The following CCDC148 variants were observed in gnomAD, a reference collection of about 807,000 sequenced individuals.
CCDC148 encodes coiled-coil domain containing 148.
A neutral mutation model predicts 85.7 loss-of-function variants in CCDC148; 89 were observed. That is an observed-to-expected ratio of 1.04 (90% CI 0.87 to 1.24). The LOEUF (loss-of-function observed/expected upper bound fraction) is 1.24, where lower values mean the gene tolerates loss of function less well. CCDC148 is among the 50% of genes most tolerant of loss of function. CCDC148 has a pLI of 0.00. For missense variants in CCDC148, 692 were observed against 671.7 expected (o/e 1.03, Z -0.33); for synonymous variants, 230 against 213.9 (o/e 1.08, Z -0.66).
At chr2:158,429,115 A>G (rs1448933810) in intron 1 of CCDC148, among the ~76,000 whole-genome samples, 1 of 150,602 alleles carries the variant, frequency 6.6e-6, no homozygotes, top group African/African-American at 2.4e-5. Context: ...GGTGGGGAAC[A>G]TCACACAGTG....
intron 9 of CCDC148, among the ~76,000 whole-genome samples, chr2:158,283,241 A>G (rs1033987972): frequency 6.6e-6 from 1 of 152,236 alleles, no homozygotes; most frequent in Non-Finnish European, 1.5e-5. Flanking sequence ...TGTCTAAAAC[A>G]TCAAAAGCAA....
chr2:158,216,857 T>C (rs1295727735), intron 11 of CCDC148, among the ~76,000 whole-genome samples: 2 of 152,152 alleles, frequency 1.3e-5, no homozygotes, highest in Non-Finnish European at 2.9e-5. Context: ...TTAACTGTGT[T>C]CCAGGCAGTG....
At chr2:158,448,038 T>C (rs756699839) in intron 1 of CCDC148, among the ~76,000 whole-genome samples, 2 of 152,176 alleles carry the variant, frequency 1.3e-5, no homozygotes, top group South Asian at 2.1e-4. Context: ...GTGATATATA[T>C]AAATTTTTTT....
intron 1 of CCDC148, among the ~76,000 whole-genome samples, chr2:158,400,079 A>T (rs1685708398): frequency 6.6e-6 from 1 of 152,210 alleles, no homozygotes; most frequent in African/African-American, 2.4e-5. Context: ...AAACGGAAGA[A>T]CATTCCATGT....
chr2:158,338,251 GA>G (rs1682489012), intron 7 of CCDC148, among the ~76,000 whole-genome samples: 1 of 152,084 alleles, frequency 6.6e-6, no homozygotes, highest in Non-Finnish European at 1.5e-5. Context: ...GAGAAAACCA[GA>G]AGTCTATTTC....
intron 12 of CCDC148, chr2:158,178,152 C>T (rs535922944): frequency 6.6e-6 from 1 of 152,144 alleles, no homozygotes; most frequent in East Asian, 1.9e-4. Flanking sequence ...GGAAGGACAC[C>T]AGAGGCCAAG....
chr2:158,415,186 G>A (rs1419928037), intron 1 of CCDC148, among the ~76,000 whole-genome samples: 4 of 151,716 alleles, frequency 2.6e-5, no homozygotes, highest in African/African-American at 9.7e-5. Flanking sequence ...GGCTGTACAG[G>A]AGGCATGGCT....
intron 1 of CCDC148, among the ~76,000 whole-genome samples, chr2:158,406,234 A>G (rs1439769346): frequency 6.6e-6 from 1 of 152,154 alleles, no homozygotes; most frequent in Non-Finnish European, 1.5e-5. Context: ...CCTTACACAT[A>G]CCCAAAGGCT....
At chr2:158,411,110 G>A (rs187145309) in intron 1 of CCDC148, among the ~76,000 whole-genome samples, 6 of 152,082 alleles carry the variant, frequency 3.9e-5, no homozygotes, top group East Asian at 1.9e-4. Context: ...TTCTGTTTGC[G>A]TTCAAAATTG....
At chr2:158,330,466 T>G (rs745540712) in intron 7 of CCDC148, among the ~76,000 whole-genome samples, 1 of 151,990 alleles carries the variant, frequency 6.6e-6, no homozygotes, top group Non-Finnish European at 1.5e-5. Context: ...GGTCTAAAAT[T>G]TTCTTTTTTT....
At position 158,313,065 on chromosome 2, in the gene CCDC148, T is replaced by G. The variant is rs369049580; in HGVS notation, c.903+691A>C. Among the ~76,000 whole-genome samples the G allele has an allele frequency of 5.9e-5, 9 of 152,346 alleles. No homozygotes were observed. In the South Asian group the frequency reaches 1.7e-3, roughly 28 times the overall value. On this transcript the variant is annotated intron_variant, in intron 8 of 13. Coordinates refer to ENST00000283233, the MANE Select transcript of CCDC148 (RefSeq NM_138803.4). Reference sequence around the variant, plus strand: ...GCATGGCTCACTTAAAAATTAAAAGTCTGTGTGTTTGTTTACGTGTATGTT... The same window carrying G: ...GCATGGCTCACTTAAAAATTAAAAGGCTGTGTGTTTGTTTACGTGTATGTT...
At chr2:158,266,801 C>T (rs1689473274) in intron 9 of CCDC148, among the ~76,000 whole-genome samples, 1 of 152,014 alleles carries the variant, frequency 6.6e-6, no homozygotes, top group South Asian at 2.1e-4. Context: ...GCCATTACTT[C>T]ATTCCTTTTT....
At chr2:158,397,241 A>G (rs1685561634) in intron 1 of CCDC148, among the ~76,000 whole-genome samples, 1 of 152,172 alleles carries the variant, frequency 6.6e-6, no homozygotes, top group South Asian at 2.1e-4. Flanking sequence ...AAGCTAGACA[A>G]GGCAGGCCAA....
intron 11 of CCDC148, among the ~76,000 whole-genome samples, chr2:158,216,139 T>G (rs957261279): frequency 1.3e-5 from 2 of 152,196 alleles, no homozygotes; most frequent in African/African-American, 4.8e-5. Flanking sequence ...CTTGATTTTA[T>G]ATAGGTACAT....
chr2:158,368,176 A>C (rs980036278), intron 1 of CCDC148, among the ~76,000 whole-genome samples: 2 of 152,196 alleles, frequency 1.3e-5, no homozygotes, highest in Non-Finnish European at 2.9e-5. Context: ...GAACATTCAT[A>C]CATTTATGTA....
At chr2:158,305,746 C>A (rs1291439973) in intron 9 of CCDC148, among the ~76,000 whole-genome samples, 2 of 122,230 alleles carry the variant, frequency 1.6e-5, no homozygotes, top group African/African-American at 3.1e-5. Context: ...AGAATGAAAC[C>A]CTGTCTCTTA....
At chr2:158,228,208 T>C (rs1687657140) in intron 10 of CCDC148, among the ~76,000 whole-genome samples, 1 of 152,068 alleles carries the variant, frequency 6.6e-6, no homozygotes. Flanking sequence ...CAGGAAAAAA[T>C]GCTCATCATC....
At chr2:158,393,509 G>A (rs1013935453) in intron 1 of CCDC148, among the ~76,000 whole-genome samples, 1 of 152,110 alleles carries the variant, frequency 6.6e-6, no homozygotes, top group Non-Finnish European at 1.5e-5. Context: ...ATATTTGAGT[G>A]ATGGGGCCAC....
chr2:158,315,358 A>C (rs1016229272), intron 7 of CCDC148, among the ~76,000 whole-genome samples: 2 of 152,212 alleles, frequency 1.3e-5, no homozygotes, highest in Non-Finnish European at 2.9e-5. Flanking sequence ...GTTAACATAA[A>C]TGCATTTTAA....
Sources: gnomAD v4.1 joint callset for allele counts (sites outside exome capture counted in the v4.1 genomes callset) on GRCh38, gnomAD v4.1.1 for gene constraint, MANE v1.5 for transcripts, NCBI Gene and HGNC (gene_info 2026-07-23, HGNC 2026-07-21) for gene names.